The following ZNF12 variants were observed in gnomAD, a reference collection of about 807,000 sequenced individuals.
The protein encoded by ZNF12 is gonadotropin inducible transcription repressor 3.
In ZNF12, 34 loss-of-function variants were observed where a neutral mutation model predicts 66.6. That is an observed-to-expected ratio of 0.51 (90% CI 0.39 to 0.68). The LOEUF (loss-of-function observed/expected upper bound fraction) is 0.68, where lower values mean the gene tolerates loss of function less well. Ranked by LOEUF, ZNF12 falls within the 30% of genes least tolerant of loss-of-function variation. ZNF12 has a pLI of 0.00. For synonymous variants in ZNF12, 320 were observed against 278.9 expected (o/e 1.15, Z -1.47); for missense variants, 697 against 826.9 (o/e 0.84, Z 1.93).
At chr7:6,699,122 T>C (rs1471291070) in intron 2 of ZNF12, among the ~76,000 whole-genome samples, 1 of 152,182 alleles carries the variant, frequency 6.6e-6, no homozygotes, top group African/African-American at 2.4e-5. Context: ...GAAAGAATCA[T>C]AAAACAGTGT....
Position 6,705,025 on chromosome 7 carries a change from G to T in ZNF12, c.15+134C>A. ...GAATATGATAAAAAGGCTTGGTGCT[G>T]ATGGCTACTGTTCTGTCTGACCAAA... On this transcript the variant is annotated intron_variant, in intron 2 of 4. Coordinates refer to ENST00000405858, the MANE Select transcript of ZNF12 (RefSeq NM_016265.4). The surrounding 1 kb of genome is among the most constrained non-coding windows in gnomAD (Gnocchi z 4.0). The T allele has an allele frequency of 9.8e-7, 1 of 1,015,764 alleles. No homozygotes were observed. Among genetic ancestry groups the T allele is most frequent in the Non-Finnish European group, 1.4e-6 (1 of 715,838 alleles). 62.9% of individuals were successfully genotyped at this position (1,015,764 alleles called of 1,614,324 possible). A position where few individuals can be genotyped will look rare whatever the true frequency, so the allele number is the denominator to read the frequency against.
In ZNF12 at chr7:6,691,295, A is replaced by G. The variant is rs776858240; in HGVS notation, c.1647T>C (p.Tyr549=). ...HRRIHKGEKP[Y]ECYICGKFFS... ...AGAATTTTCCACATATATAGCATTC[A>G]TAGGGCTTCTCTCCTTTGTGTATTC... is the stretch of plus-strand genomic sequence containing the variant. Residue 549 remains tyrosine (Y), a synonymous_variant, in exon 5 of 5, where the codon TAT becomes TAC. Coordinates refer to ENST00000405858, the MANE Select transcript of ZNF12 (RefSeq NM_016265.4). The G allele has an allele frequency of 6.2e-7, 1 of 1,613,820 alleles. No homozygotes were observed. The highest frequency in any genetic ancestry group is 8.5e-7 in the Non-Finnish European group (1 of 1,179,914).
At chr7:6,699,177 T>C (rs184364148) in intron 2 of ZNF12, among the ~76,000 whole-genome samples, 120 of 152,330 alleles carry the variant, frequency 7.9e-4, no homozygotes, top group Non-Finnish European at 1.4e-3. Flanking sequence ...CAAGAAAATA[T>C]GGTAGCAGGA....
intron 2 of ZNF12, among the ~76,000 whole-genome samples, chr7:6,700,060 C>T (rs1302993104): frequency 6.0e-5 from 9 of 151,166 alleles, no homozygotes; most frequent in African/African-American, 1.9e-4. Flanking sequence ...CCGAGGTGGG[C>T]AGATCACAAG....
rs1392566438 is a variant in ZNF12, at chr7:6,691,289, G to C, written c.1653C>G (p.Cys551Trp). ...RIHKGEKPYE[C>W]YICGKFFSQM... Reference sequence around the variant, plus strand: ...GAGAGAAGAATTTTCCACATATATAGCATTCATAGGGCTTCTCTCCTTTGT... The same window carrying C: ...GAGAGAAGAATTTTCCACATATATACCATTCATAGGGCTTCTCTCCTTTGT... Residue 551 changes from cysteine (C) to tryptophan (W), a missense_variant, in exon 5 of 5, where the codon TGC becomes TGG. By Grantham distance (215) the Cys-to-Trp change is radical. Transcript: ENST00000405858. 1 of 1,613,134 alleles carries C rather than the reference G, an allele frequency of 6.2e-7. No individual in the cohort carries two copies. The highest frequency in any genetic ancestry group is 8.5e-7 in the Non-Finnish European group (1 of 1,179,784).
rs1319774922 is a variant in ZNF12, at chr7:6,691,978, C to T, written c.964G>A (p.Glu322Lys). ...LTVHQRTHTG[E>K]KPYECNECGK... ...CATTCATTACATTCATAGGGCTTCT[C>T]CCCTGTGTGTGTTCTCTGATGCACA... The change falls in exon 5 of 5, where the codon GAG (glutamate) becomes AAG (lysine). Residue 322 changes from glutamate (E) to lysine (K), a missense_variant. Transcript: ENST00000405858. 9 of 1,613,938 alleles carry T rather than the reference C, an allele frequency of 5.6e-6. No homozygotes were observed. Among genetic ancestry groups the T allele is most frequent in the Non-Finnish European group, 6.8e-6 (8 of 1,180,012 alleles).
chr7:6,690,563 A>C lies in ZNF12; in HGVS notation c.*285T>G. ...TATACTGATAGATTTCCCCTTGGCT[A>C]TGATTTCCCTGATATGCAAAACAGT... On this transcript the variant is annotated 3_prime_UTR_variant, in exon 5 of 5. Transcript: ENST00000405858. The C allele has an allele frequency of 3.5e-6, 1 of 283,060 alleles. No individual in the cohort carries two copies. Among genetic ancestry groups the C allele is most frequent in the Admixed American group, 4.6e-5 (1 of 21,576 alleles). 17.5% of individuals were successfully genotyped at this position (283,060 alleles called of 1,614,324 possible). A position where few individuals can be genotyped will look rare whatever the true frequency, so the allele number is the denominator to read the frequency against.
Position 6,692,056 on chromosome 7 carries a change from G to C in ZNF12, c.886C>G (p.Pro296Ala), listed in dbSNP as rs1780077771. The change falls in exon 5 of 5, where the codon CCT becomes GCT. Residue 296 changes from proline to alanine, a missense_variant. Pro to Ala is a conservative substitution (Grantham distance 27). This residue lies in a region of ZNF12 where 401 missense variants were observed against 519.0 expected (regional missense o/e 0.77). Transcript: ENST00000405858. The surrounding 1 kb of genome is among the most constrained non-coding windows in gnomAD (Gnocchi z 5.1). ...TTCCCACACTGATTACATTCGTAAG[G>C]TTTCTCTCCTGTGTGAGTCCTCTGA... ...IHQRTHTGEK[P>A]YECNQCGKSF... The C allele has an allele frequency of 6.2e-7, 1 of 1,613,716 alleles. No homozygotes were observed. Among genetic ancestry groups the C allele is most frequent in the Non-Finnish European group, 8.5e-7 (1 of 1,179,666 alleles).
In ZNF12 at chr7:6,692,885, A is replaced by AC. The variant is rs1491570760; in HGVS notation, c.239-183_239-182insG. Among the ~76,000 whole-genome samples, 7 of 149,638 alleles carry AC rather than the reference A, an allele frequency of 4.7e-5. No homozygotes were observed. Among genetic ancestry groups the AC allele is most frequent in the East Asian group, 2.1e-4 (1 of 4,810 alleles). On this transcript the variant is annotated intron_variant, in intron 4 of 4. Coordinates refer to ENST00000405858, the MANE Select transcript of ZNF12 (RefSeq NM_016265.4). The surrounding 1 kb of genome is among the most constrained non-coding windows in gnomAD (Gnocchi z 5.1). ...CTTTTGCTTAAAATTACACACACACAAACACACACACACACACACATCCCC... is the reference window on the plus strand; with the variant it reads ...CTTTTGCTTAAAATTACACACACACACAACACACACACACACACACATCCCC...
At chr7:6,704,861 A>T (rs988012382) in intron 2 of ZNF12, among the ~76,000 whole-genome samples, 2 of 152,102 alleles carry the variant, frequency 1.3e-5, no homozygotes, top group African/African-American at 4.8e-5. Context: ...TCATGCAAAA[A>T]CAAAAGTGAT....
rs775631412 is a variant in ZNF12, at chr7:6,690,804, T to C, written c.*44A>G. 1 of 1,514,170 alleles carries C rather than the reference T, an allele frequency of 6.6e-7. No homozygotes were observed. Among genetic ancestry groups the C allele is most frequent in the Non-Finnish European group, 8.8e-7 (1 of 1,132,436 alleles). 93.8% of individuals were successfully genotyped at this position (1,514,170 alleles called of 1,614,324 possible). A position where few individuals can be genotyped will look rare whatever the true frequency, so the allele number is the denominator to read the frequency against. ...TTGACTTCAGGCAGGAGTTTCTGAT[T>C]CACTATACTGAAAGGGTTCTCTGAT... On this transcript the variant is annotated 3_prime_UTR_variant, in exon 5 of 5. Transcript: ENST00000405858.
rs1780166413 is a variant in ZNF12 at position 6,697,187 on chromosome 7, G to A, written c.238+152C>T. ...AAGCTCCATAAACATAAGTTCTTAC[G>A]GGGAAGGAAGAAGTCTTTGGGAGTG... On this transcript the variant is annotated intron_variant, in intron 4 of 4. Transcript: ENST00000405858. This position sits in a 1 kb window ranked among gnomAD's most constrained non-coding sequence, Gnocchi z 6.1. 6.6e-6 allele frequency among the ~76,000 whole-genome samples: 1 copy of A among 152,102 alleles called. No individual in the cohort carries two copies. The highest frequency in any genetic ancestry group is 1.5e-5 in the Non-Finnish European group (1 of 68,030).
intron 2 of ZNF12, among the ~76,000 whole-genome samples, chr7:6,701,112 G>A (rs977447862): frequency 6.6e-6 from 1 of 152,088 alleles, no homozygotes; most frequent in Non-Finnish European, 1.5e-5. Context: ...CAAAGTGTTG[G>A]GATTACTGGT....
Position 6,692,222 on chromosome 7 carries a change from G to C in ZNF12, c.720C>G (p.Pro240=), listed in dbSNP as rs750854980. 3.1e-6 allele frequency: 5 copies of C among 1,613,974 alleles called. No individual in the cohort carries two copies. The highest frequency in any genetic ancestry group is 4.2e-6 in the Non-Finnish European group (5 of 1,179,876). The change falls in exon 5 of 5, where the codon CCC becomes CCG. Residue 240 remains proline (P), a synonymous_variant. Coordinates refer to ENST00000405858, the MANE Select transcript of ZNF12 (RefSeq NM_016265.4). This position sits in a 1 kb window ranked among gnomAD's most constrained non-coding sequence, Gnocchi z 5.1. ...TVFVNHMEEK[P]YKWNGSEIAF... ...CTATTTCAGATCCATTCCACTTATA[G>C]GGCTTTTCTTCCATGTGATTAACAA...
Position 6,692,686 on chromosome 7 carries a change from C to G in ZNF12, c.256G>C (p.Asp86His). 6.3e-7 allele frequency: 1 copy of G among 1,577,030 alleles called. No homozygotes were observed. The highest frequency in any genetic ancestry group is 8.6e-7 in the Non-Finnish European group (1 of 1,165,634). The stretch of plus-strand genomic sequence containing the variant: ...TCCTGGATTCTCTCTATTAGGTCAT[C>G]AGTTTGCCAGACTTCATCTAAAGAG... ...QSYPDEVWQT[D>H]DLIERIQEEE... The change falls in exon 5 of 5, where the codon GAT (aspartate) becomes CAT (histidine). Residue 86 changes from aspartate (D) to histidine (H), a missense_variant. Physicochemically the swap from Asp to His is moderately conservative, Grantham distance 81. Coordinates refer to ENST00000405858, the MANE Select transcript of ZNF12 (RefSeq NM_016265.4). This position sits in a 1 kb window ranked among gnomAD's most constrained non-coding sequence, Gnocchi z 5.1.
intron 2 of ZNF12, among the ~76,000 whole-genome samples, chr7:6,701,752 C>T (rs1185599580): frequency 1.3e-5 from 2 of 152,058 alleles, no homozygotes; most frequent in Admixed American, 6.6e-5. Flanking sequence ...CAACTGTTTG[C>T]ATCTCTGTCC....
In ZNF12 at chr7:6,694,188, AAAAC is replaced by A. The variant is rs369655008; in HGVS notation, c.239-1489_239-1486del. ...TCTCAAAAAAAAAAACAAAACAAAC[AAAAC>A]AAACAAACAAAATCAGATCCCTTAC... On this transcript the variant is annotated intron_variant, in intron 4 of 4. Transcript: ENST00000405858. Among the ~76,000 whole-genome samples the A allele has an allele frequency of 8.3e-3, 1,264 of 151,914 alleles. 14 individuals carry two copies. Among genetic ancestry groups the A allele is most frequent in the African/African-American group, 0.028 (1,167 of 41,452 alleles).
chr7:6,705,270 G>A lies in ZNF12; in HGVS notation c.-50-47C>T. On this transcript the variant is annotated intron_variant, in intron 1 of 4. Transcript: ENST00000405858. This position sits in a 1 kb window ranked among gnomAD's most constrained non-coding sequence, Gnocchi z 4.0. Reference sequence around the variant, plus strand: ...CATGGCGTTATGAGCGGTCTGGCCTGCCAAGGCGGTCATCTCCCGCCCAAA... The same window carrying A: ...CATGGCGTTATGAGCGGTCTGGCCTACCAAGGCGGTCATCTCCCGCCCAAA... The A allele has an allele frequency of 1.3e-6, 2 of 1,488,626 alleles. No individual in the cohort carries two copies. The highest frequency in any genetic ancestry group is 1.2e-5 in the South Asian group (1 of 85,900). The allele number at this position is 1,488,626 out of a possible 1,614,324, so 92.2% of individuals were successfully genotyped here. A position where few individuals can be genotyped will look rare whatever the true frequency, so the allele number is the denominator to read the frequency against.
rs1460891636 is a variant in ZNF12 at position 6,692,370 on chromosome 7, T to C, written c.572A>G (p.Glu191Gly). The change falls in exon 5 of 5, where the codon GAA becomes GGA. Residue 191 changes from glutamate (E) to glycine (G), a missense_variant. This residue lies in a region of ZNF12 where 241 missense variants were observed against 224.0 expected (regional missense o/e 1.08). Transcript: ENST00000405858. This position sits in a 1 kb window ranked among gnomAD's most constrained non-coding sequence, Gnocchi z 5.1. ...ATAAGGTTCCCCATTTTGATTAAATTCATAAGCTTGATCTCCTGGATGAGT... is the reference window on the plus strand; with the variant it reads ...ATAAGGTTCCCCATTTTGATTAAATCCATAAGCTTGATCTCCTGGATGAGT... ...EKTHPGDQAY[E>G]FNQNGEPYTL... The C allele has an allele frequency of 1.2e-6, 2 of 1,610,736 alleles. No homozygotes were observed. Among genetic ancestry groups the C allele is most frequent in the South Asian group, 2.2e-5 (2 of 90,228 alleles).
Sources: gnomAD v4.1 joint callset for allele counts (sites outside exome capture counted in the v4.1 genomes callset) on GRCh38, gnomAD v4.1.1 for gene constraint, gnomAD v4.1.1 regional missense constraint, Gnocchi (gnomAD v3.1) non-coding constraint, MANE v1.5 for transcripts, NCBI Gene and HGNC (gene_info 2026-07-23, HGNC 2026-07-21) for gene names.